SLC44A5: variants seen among roughly 807,000 people sequenced by gnomAD.
SLC44A5 encodes the protein solute carrier family 44 member 5, also known as choline transporter-like protein 5.
A neutral mutation model predicts 101.8 loss-of-function variants in SLC44A5; 57 were observed. The ratio of observed to expected loss-of-function variants is 0.56; its 90% CI spans 0.45 to 0.70. SLC44A5 has a LOEUF of 0.70. Ranked by LOEUF, SLC44A5 falls within the 30% of genes least tolerant of loss-of-function variation. The probability of loss-of-function intolerance (pLI) is 0.00; values close to 1 mark genes in which losing one functional copy is unlikely to be tolerated. For synonymous variants in SLC44A5, 281 were observed against 290.9 expected (o/e 0.97, Z 0.35); for missense variants, 737 against 853.1 (o/e 0.86, Z 1.70).
In SLC44A5 at chr1:75,542,214, CAG is replaced by C. The variant is rs1443637852; in HGVS notation, c.-69-700_-69-699del. ...CTTACAGAAAAGCTGCAGAAATATACAGAGAGTTACCATGTACCCTTCACCCA... is the reference window on the plus strand; with the variant it reads ...CTTACAGAAAAGCTGCAGAAATATACAGAGTTACCATGTACCCTTCACCCA... On this transcript the variant is annotated intron_variant, in intron 1 of 23. Transcript: ENST00000370859. 2.0e-5 allele frequency among the ~76,000 whole-genome samples: 3 copies of C among 152,020 alleles called. No individual in the cohort carries two copies. The East Asian group carries it at 5.8e-4, about 29-fold the overall frequency.
chr1:75,633,417 C>G, the SLC44A5 span, among the ~76,000 whole-genome samples: 2 of 152,110 alleles, frequency 1.3e-5, no homozygotes, highest in Non-Finnish European at 2.9e-5. Flanking sequence ...TTGTAGTTCT[C>G]CTTGAAGAGG....
intron 1 of SLC44A5, among the ~76,000 whole-genome samples, chr1:75,585,799 TC>T (rs762731608): frequency 1.6e-3 from 237 of 152,266 alleles, no homozygotes; most frequent in Middle Eastern, 3.4e-3. Context: ...TTCTCAAACT[TC>T]AGCATGATTC....
intron 12 of SLC44A5, among the ~76,000 whole-genome samples, chr1:75,228,332 T>C (rs1221549028): frequency 6.6e-6 from 1 of 152,142 alleles, no homozygotes; most frequent in Non-Finnish European, 1.5e-5. Context: ...CATAACATTG[T>C]CATTCTAAAA....
At chr1:75,632,698 T>A in the SLC44A5 span, among the ~76,000 whole-genome samples, 1 of 152,184 alleles carries the variant, frequency 6.6e-6, no homozygotes, top group Non-Finnish European at 1.5e-5. Context: ...AAACTAAGAC[T>A]CTATTACCCA....
chr1:75,411,915 T>A (rs937639975), intron 2 of SLC44A5, among the ~76,000 whole-genome samples: 1 of 152,262 alleles, frequency 6.6e-6, no homozygotes, highest in East Asian at 1.9e-4. Context: ...GTGTAGCCCA[T>A]ATCCATAGAT....
intron 6 of SLC44A5, among the ~76,000 whole-genome samples, chr1:75,259,492 G>T (rs1438418186): frequency 4.0e-5 from 6 of 151,728 alleles, no homozygotes; most frequent in African/African-American, 9.7e-5. Flanking sequence ...AAAGAGTGAA[G>T]AGAAATGAAC....
Position 75,242,898 on chromosome 1 carries a change from A to G in SLC44A5, c.459T>C (p.Ala153=). Residue 153 remains alanine, a synonymous_variant, in exon 8 of 24, where the codon GCT becomes GCC. Transcript: ENST00000370859. ...EDYRQFCKTT[A]KPVKSLTQLL... ...TAAACACACATACCTTCACAGGCTTAGCAGTGGTCTTACAGAACTGACGGT... is the reference window on the plus strand; with the variant it reads ...TAAACACACATACCTTCACAGGCTTGGCAGTGGTCTTACAGAACTGACGGT... 6.2e-7 allele frequency: 1 copy of G among 1,609,380 alleles called. No homozygotes were observed. Among genetic ancestry groups the G allele is most frequent in the Non-Finnish European group, 8.5e-7 (1 of 1,177,888 alleles).
chr1:75,697,345 C>T, the SLC44A5 span, among the ~76,000 whole-genome samples: 1 of 152,260 alleles, frequency 6.6e-6, no homozygotes, highest in South Asian at 2.1e-4. Flanking sequence ...TCAATTAAAG[C>T]CCACAAGAAT....
chr1:75,682,002 T>C, the SLC44A5 span, among the ~76,000 whole-genome samples: 33,474 of 151,868 alleles, frequency 0.22, 5,076 homozygotes, highest in East Asian at 0.68. Context: ...CTCCCATTCA[T>C]AATTGCTTCA....
At chr1:75,402,637 A>G (rs1440533339) in intron 2 of SLC44A5, 2 of 156,712 alleles carry the variant, frequency 1.3e-5, no homozygotes, top group Non-Finnish European at 2.8e-5. Context: ...CTGTCCCAAG[A>G]GGAACGGTGC....
At chr1:75,537,033 A>AATATATATATATAT (rs61399659) in intron 2 of SLC44A5, among the ~76,000 whole-genome samples, 2,229 of 42,594 alleles carry the variant, frequency 0.052, 139 homozygotes, top group Non-Finnish European at 0.073. Context: ...AAAAAAAAAA[A>AATATATATATATAT]ATATATATCT....
chr1:75,283,165 C>CT (rs1411977152), intron 5 of SLC44A5, among the ~76,000 whole-genome samples: 1 of 50,588 alleles, frequency 2.0e-5, no homozygotes, highest in Non-Finnish European at 3.6e-5. Flanking sequence ...ACATCAGCAT[C>CT]TATTTTTTTT....
At chr1:75,674,177 G>A in the SLC44A5 span, among the ~76,000 whole-genome samples, 1 of 151,842 alleles carries the variant, frequency 6.6e-6, no homozygotes, top group Non-Finnish European at 1.5e-5. Flanking sequence ...ACACAGAGAA[G>A]GAATTCAGAT....
chr1:75,335,754 A>G (rs1238310657), intron 4 of SLC44A5, among the ~76,000 whole-genome samples: 4 of 152,188 alleles, frequency 2.6e-5, no homozygotes, highest in Non-Finnish European at 5.9e-5. Context: ...GTTAATTTCT[A>G]GTTTAACTCT....
At chr1:75,486,167 C>T (rs1272939445) in intron 2 of SLC44A5, among the ~76,000 whole-genome samples, 1 of 152,224 alleles carries the variant, frequency 6.6e-6, no homozygotes, top group African/African-American at 2.4e-5. Flanking sequence ...ACAAAGGAAA[C>T]TTTACAAGGC....
chr1:75,488,287 C>T (rs1358154179), intron 2 of SLC44A5, among the ~76,000 whole-genome samples: 1 of 152,184 alleles, frequency 6.6e-6, no homozygotes, highest in East Asian at 1.9e-4. Context: ...AAACCAGTCC[C>T]TGGTACCAAA....
intron 5 of SLC44A5, among the ~76,000 whole-genome samples, chr1:75,295,754 A>G (rs1653913239): frequency 6.6e-6 from 1 of 152,322 alleles, no homozygotes; most frequent in African/African-American, 2.4e-5. Flanking sequence ...GAAATGTACT[A>G]AATGGCACAA....
At chr1:75,341,648 G>A (rs114150414) in intron 3 of SLC44A5, among the ~76,000 whole-genome samples, 1,742 of 152,206 alleles carry the variant, frequency 0.011, 32 homozygotes, top group African/African-American at 0.041. Flanking sequence ...AGAATGCTGT[G>A]GGGCACAGGG....
At chr1:75,297,980 C>G (rs936283003) in intron 5 of SLC44A5, among the ~76,000 whole-genome samples, 1 of 151,354 alleles carries the variant, frequency 6.6e-6, no homozygotes, top group South Asian at 2.1e-4. Flanking sequence ...ACAACAACAA[C>G]AAAAATGTCT....
Sources: allele counts gnomAD v4.1 joint callset (sites outside exome capture counted in the v4.1 genomes callset), GRCh38; gene constraint gnomAD v4.1.1; transcripts MANE v1.5; gene names NCBI Gene and HGNC (gene_info 2026-07-23, HGNC 2026-07-21).